The following MDGA2 variants were observed in gnomAD, a reference collection of about 807,000 sequenced individuals.
The protein encoded by MDGA2 is MAM domain containing glycosylphosphatidylinositol anchor 2.
Under a neutral mutation model 117.8 loss-of-function variants are expected in MDGA2, and 40 were observed. The observed-to-expected ratio is 0.34, with a 90% CI of 0.26 to 0.44. MDGA2 has a LOEUF of 0.44. Among genes scored for constraint, MDGA2 ranks in the 20% least tolerant of loss-of-function variants. The pLI, the probability that MDGA2 is intolerant of heterozygous loss-of-function variation, is 1.00. For synonymous variants in MDGA2, 452 were observed against 439.0 expected (o/e 1.03, Z -0.37); for missense variants, 1,123 against 1,250.6 (o/e 0.90, Z 1.54).
intron 8 of MDGA2, among the ~76,000 whole-genome samples, chr14:46,998,184 C>G (rs1025831198): frequency 6.6e-6 from 1 of 152,078 alleles, no homozygotes; most frequent in South Asian, 2.1e-4. Flanking sequence ...TGGCTCACAC[C>G]TAAAATTCCA....
intron 2 of MDGA2, among the ~76,000 whole-genome samples, chr14:47,274,685 T>A (rs957328229): frequency 1.3e-5 from 2 of 152,158 alleles, no homozygotes; most frequent in Non-Finnish European, 2.9e-5. Flanking sequence ...CATTTTTTAT[T>A]ACTACTGGCA....
intron 1 of MDGA2, among the ~76,000 whole-genome samples, chr14:47,401,460 T>C (rs1458112596): frequency 6.6e-6 from 1 of 152,224 alleles, no homozygotes; most frequent in Non-Finnish European, 1.5e-5. Flanking sequence ...TGTAGCCTAA[T>C]TATGTACAAC....
intron 3 of MDGA2, among the ~76,000 whole-genome samples, chr14:47,214,375 A>T (rs1011632892): frequency 6.6e-6 from 1 of 152,168 alleles, no homozygotes; most frequent in Non-Finnish European, 1.5e-5. Flanking sequence ...TCAATAAATT[A>T]TGTTTCCTAA....
At chr14:47,162,887 T>A (rs1883702572) in intron 3 of MDGA2, among the ~76,000 whole-genome samples, 1 of 152,234 alleles carries the variant, frequency 6.6e-6, no homozygotes, top group South Asian at 2.1e-4. Context: ...TATCACCAAA[T>A]CTAGCACGTA....
At chr14:46,897,920 C>T (rs1228509562) in intron 10 of MDGA2, among the ~76,000 whole-genome samples, 1 of 151,616 alleles carries the variant, frequency 6.6e-6, no homozygotes, top group African/African-American at 2.4e-5. Context: ...ATAGATAGAT[C>T]CTAATTTAAA....
intron 1 of MDGA2, among the ~76,000 whole-genome samples, chr14:47,571,477 CA>C (rs1234943654): frequency 6.6e-6 from 1 of 152,126 alleles, no homozygotes; most frequent in Non-Finnish European, 1.5e-5. Flanking sequence ...TGACACTATT[CA>C]CAATAGCAAA....
At chr14:46,971,156 A>G (rs1162239807) in intron 8 of MDGA2, among the ~76,000 whole-genome samples, 1 of 152,098 alleles carries the variant, frequency 6.6e-6, no homozygotes, top group Non-Finnish European at 1.5e-5. Context: ...TCATTATGAC[A>G]ATTACTCAAA....
chr14:46,899,963 C>A (rs1173103349), intron 10 of MDGA2, among the ~76,000 whole-genome samples: 1 of 151,838 alleles, frequency 6.6e-6, no homozygotes, highest in Admixed American at 6.6e-5. Context: ...TCCATATATA[C>A]TTAGAAAAGA....
At chr14:46,919,118 T>C (rs1884023618) in intron 10 of MDGA2, among the ~76,000 whole-genome samples, 1 of 152,172 alleles carries the variant, frequency 6.6e-6, no homozygotes, top group African/African-American at 2.4e-5. Flanking sequence ...TAAAACACAA[T>C]GGTTTTATGA....
At chr14:47,362,626 T>A (rs1353105460) in intron 1 of MDGA2, among the ~76,000 whole-genome samples, 54 of 152,314 alleles carry the variant, frequency 3.5e-4, no homozygotes, top group African/African-American at 1.2e-3. Flanking sequence ...ATAAAGTTAT[T>A]AGGTAAAAAC....
chr14:46,933,439 C>T (rs1415483987), intron 9 of MDGA2, among the ~76,000 whole-genome samples: 1 of 151,760 alleles, frequency 6.6e-6, no homozygotes. Flanking sequence ...TCATAATACA[C>T]AAATTATTAT....
At chr14:47,275,702 C>G (rs1888289759) in intron 2 of MDGA2, among the ~76,000 whole-genome samples, 1 of 152,008 alleles carries the variant, frequency 6.6e-6, no homozygotes, top group Non-Finnish European at 1.5e-5. Flanking sequence ...TTGCTTTAGA[C>G]AAATATTTCC....
intron 1 of MDGA2, among the ~76,000 whole-genome samples, chr14:47,603,174 CAGGCAA>C (rs2138883743): frequency 6.6e-6 from 1 of 152,292 alleles, no homozygotes; most frequent in Admixed American, 6.5e-5. Context: ...GATGCAGAGA[CAGGCAA>C]TATTTTTACT....
chr14:47,372,126 T>C (rs986061682), intron 1 of MDGA2, among the ~76,000 whole-genome samples: 14 of 151,836 alleles, frequency 9.2e-5, no homozygotes, highest in Non-Finnish European at 1.6e-4. Context: ...ATAAACATAG[T>C]ATTAGTTGAA....
chr14:47,303,542 T>C (rs1889349188), intron 1 of MDGA2, among the ~76,000 whole-genome samples: 1 of 152,158 alleles, frequency 6.6e-6, no homozygotes, highest in Middle Eastern at 3.2e-3. Flanking sequence ...AGTGATCAAA[T>C]TTGGACTTCA....
chr14:46,910,041 AAG>A (rs1358854353), intron 10 of MDGA2, among the ~76,000 whole-genome samples: 1 of 148,084 alleles, frequency 6.8e-6, no homozygotes, highest in Non-Finnish European at 1.5e-5. Context: ...CCATCTCAAT[AAG>A]AGTTAATTTT....
intron 1 of MDGA2, among the ~76,000 whole-genome samples, chr14:47,636,288 C>G (rs1280070844): frequency 6.6e-6 from 1 of 152,140 alleles, no homozygotes; most frequent in Non-Finnish European, 1.5e-5. Flanking sequence ...TTAAAAGCAA[C>G]AACTTCTCAG....
chr14:46,973,619 T>C (rs1232160361), intron 8 of MDGA2, among the ~76,000 whole-genome samples: 1 of 152,080 alleles, frequency 6.6e-6, no homozygotes, highest in Non-Finnish European at 1.5e-5. Context: ...CATTTAAAAA[T>C]GTAGGTATCA....
chr14:47,414,798 C>T (rs550583275), intron 1 of MDGA2, among the ~76,000 whole-genome samples: 1 of 151,682 alleles, frequency 6.6e-6, no homozygotes, highest in African/African-American at 2.4e-5. Context: ...TCACCAAGAA[C>T]CCAACAAAAA....
Sources: gnomAD v4.1 joint callset for allele counts (sites outside exome capture counted in the v4.1 genomes callset) on GRCh38, gnomAD v4.1.1 for gene constraint, MANE v1.5 for transcripts, NCBI Gene and HGNC (gene_info 2026-07-23, HGNC 2026-07-21) for gene names.